The following SLC5A4 variants were observed in gnomAD, a reference collection of about 807,000 sequenced individuals.
The protein encoded by SLC5A4 is solute carrier family 5 member 4.
In SLC5A4, 55 loss-of-function variants were observed where a neutral mutation model predicts 70.3. That is an observed-to-expected ratio of 0.78 (90% CI 0.63 to 0.98). The LOEUF is 0.98. Ranked by LOEUF, SLC5A4 falls within the 50% of genes least tolerant of loss-of-function variation. The pLI is 0.00. For synonymous variants in SLC5A4, 268 were observed against 305.7 expected (o/e 0.88, Z 1.29); for missense variants, 735 against 839.2 (o/e 0.88, Z 1.53).
At chr22:32,303,205 C>T in the SLC5A4 span, among the ~76,000 whole-genome samples, 1 of 152,152 alleles carries the variant, frequency 6.6e-6, no homozygotes, top group African/African-American at 2.4e-5. Flanking sequence ...GGCTGGGGCA[C>T]AGCTTGGTTT....
At chr22:32,294,700 C>T in the SLC5A4 span, among the ~76,000 whole-genome samples, 12 of 146,508 alleles carry the variant, frequency 8.2e-5, no homozygotes, top group Non-Finnish European at 1.8e-4. Context: ...TTTTAGGGTA[C>T]ATGTGCACAT....
chr22:32,335,901 G>A, the SLC5A4 span, among the ~76,000 whole-genome samples: 7 of 152,332 alleles, frequency 4.6e-5, no homozygotes, highest in East Asian at 3.9e-4. Context: ...TCCAGCCCAC[G>A]GGCAAGCCTC....
the SLC5A4 span, among the ~76,000 whole-genome samples, chr22:32,324,960 C>A: frequency 3.3e-5 from 5 of 152,376 alleles, no homozygotes; most frequent in African/African-American, 1.2e-4. Context: ...ACATGCGGGG[C>A]TGTAGCCTGT....
At chr22:32,251,572 T>C (rs1927162778) in intron 3 of SLC5A4, among the ~76,000 whole-genome samples, 198 bp downstream of exon 3, 1 of 151,558 alleles carries the variant, frequency 6.6e-6, no homozygotes, top group Admixed American at 6.6e-5. Context: ...CCTTCCACCA[T>C]GGGACGATGA....
the SLC5A4 span, among the ~76,000 whole-genome samples, chr22:32,345,498 T>C: frequency 6.6e-6 from 1 of 152,188 alleles, no homozygotes; most frequent in East Asian, 1.9e-4. Flanking sequence ...ATTTGAGTCT[T>C]TTCTTCCTTG....
At chr22:32,231,241 A>C (rs2123889130) in intron 9 of SLC5A4, among the ~76,000 whole-genome samples, 166 bp from the exon 10 acceptor site, 1 of 152,348 alleles carries the variant, frequency 6.6e-6, no homozygotes, top group Non-Finnish European at 1.5e-5. Context: ...CTCTATGCCC[A>C]AAACACAACC....
chr22:32,307,127 T>TTACCATTTATGGTAC, the SLC5A4 span, among the ~76,000 whole-genome samples: 2 of 150,746 alleles, frequency 1.3e-5, no homozygotes, highest in African/African-American at 2.4e-5. Flanking sequence ...TGGGAGCCCA[T>TTACCATTTATGGTAC]TACCATTTAT....
chr22:32,343,182 G>A, the SLC5A4 span: 1 of 152,208 alleles, frequency 6.6e-6, no homozygotes, highest in Non-Finnish European at 1.5e-5. Flanking sequence ...TTTGGCAGGT[G>A]GTTTCACACC....
chr22:32,329,588 C>T, the SLC5A4 span, among the ~76,000 whole-genome samples: 104 of 35,278 alleles, frequency 2.9e-3, 2 homozygotes, highest in East Asian at 0.024. Flanking sequence ...TGGTGTGTGT[C>T]TTGGGGGCTC....
At chr22:32,252,915 T>C (rs886987506) in intron 2 of SLC5A4, among the ~76,000 whole-genome samples, 4 of 152,176 alleles carry the variant, frequency 2.6e-5, no homozygotes, top group African/African-American at 9.6e-5. Context: ...AATTGGGGTG[T>C]GGCTCTTCCC....
At chr22:32,284,028 C>A in the SLC5A4 span, among the ~76,000 whole-genome samples, 2 of 143,062 alleles carry the variant, frequency 1.4e-5, no homozygotes, top group Non-Finnish European at 3.0e-5. Flanking sequence ...TTTTATAACA[C>A]AATGATCCCC....
the SLC5A4 span, among the ~76,000 whole-genome samples, chr22:32,344,731 GAC>G: frequency 1.3e-5 from 2 of 152,080 alleles, no homozygotes; most frequent in Non-Finnish European, 2.9e-5. Context: ...CTTTTAGAAT[GAC>G]AGTTACATAT....
At chr22:32,308,605 G>A in the SLC5A4 span, among the ~76,000 whole-genome samples, 26 of 152,306 alleles carry the variant, frequency 1.7e-4, no homozygotes, top group Non-Finnish European at 3.4e-4. Context: ...TGTTTCCCCT[G>A]ACATTCCCAA....
At chr22:32,270,894 C>A in the SLC5A4 span, 1 of 563,114 alleles carries the variant, frequency 1.8e-6, no homozygotes. Context: ...AACGTGATCA[C>A]GCTGTGCCTG....
the SLC5A4 span, among the ~76,000 whole-genome samples, chr22:32,291,739 C>T: frequency 6.6e-6 from 1 of 151,798 alleles, no homozygotes; most frequent in Non-Finnish European, 1.5e-5. Context: ...ATGTATTCTA[C>T]TTTTCATTAT....
intron 8 of SLC5A4, 56 bp downstream of exon 8, chr22:32,234,817 T>TACAG: frequency 1.5e-6 from 2 of 1,291,784 alleles, no homozygotes; most frequent in Non-Finnish European, 2.2e-6. Flanking sequence ...CATGCACACA[T>TACAG]ACAGACACAC....
At chr22:32,306,465 C>CAAA in the SLC5A4 span, among the ~76,000 whole-genome samples, 5 of 135,730 alleles carry the variant, frequency 3.7e-5, no homozygotes, top group South Asian at 2.4e-4. Context: ...GACTCGGTCT[C>CAAA]AAAAAAAAAA....
At chr22:32,267,166 T>C in the SLC5A4 span, among the ~76,000 whole-genome samples, 15,242 of 152,250 alleles carry the variant, frequency 0.1, 1,046 homozygotes, top group Admixed American at 0.23. Context: ...TATTTGTCCA[T>C]ATTAACTGTG....
At chr22:32,241,337 G>A (rs907602827) in intron 5 of SLC5A4, among the ~76,000 whole-genome samples, 1 of 152,076 alleles carries the variant, frequency 6.6e-6, no homozygotes, top group South Asian at 2.1e-4. Flanking sequence ...AACAGCCAAA[G>A]CTGCCTTTCA....
Sources: allele counts gnomAD v4.1 joint callset (sites outside exome capture counted in the v4.1 genomes callset), GRCh38; gene constraint gnomAD v4.1.1; transcripts MANE v1.5; gene names NCBI Gene and HGNC (gene_info 2026-07-23, HGNC 2026-07-21).